The following FAM3C variants were observed in gnomAD, a reference collection of about 807,000 sequenced individuals.
The protein encoded by FAM3C is protein FAM3C.
A neutral mutation model predicts 32.5 loss-of-function variants in FAM3C; 15 were observed. The observed-to-expected ratio is 0.46, with a 90% CI of 0.31 to 0.71. FAM3C has a LOEUF of 0.71. Ranked by LOEUF, FAM3C falls within the 30% of genes least tolerant of loss-of-function variation. The pLI, the probability that FAM3C is intolerant of heterozygous loss-of-function variation, is 0.05. For missense variants in FAM3C, 175 were observed against 274.4 expected (o/e 0.64, Z 2.56); for synonymous variants, 75 against 86.1 (o/e 0.87, Z 0.72).
intron 1 of FAM3C, among the ~76,000 whole-genome samples, chr7:121,393,118 C>A (rs907795525): frequency 1.3e-5 from 2 of 152,052 alleles, no homozygotes; most frequent in Non-Finnish European, 2.9e-5. Flanking sequence ...GTTTTAGAAA[C>A]GTGACGGTTC....
chr7:121,378,826 ACT>A lies in FAM3C; in HGVS notation c.118+82_118+83del. 6.4e-6 allele frequency: 4 copies of A among 620,612 alleles called. No homozygotes were observed. In the South Asian group the frequency reaches 8.9e-5, roughly 14 times the overall value. 38.4% of individuals were successfully genotyped at this position (620,612 alleles called of 1,614,324 possible). A position where few individuals can be genotyped will look rare whatever the true frequency, so the allele number is the denominator to read the frequency against. Reference sequence around the variant, plus strand: ...TAATAATCACATTTCGTTTTCTAGCACTGAGTGACTCAGTGCTGATAACTGAT... The same window carrying A: ...TAATAATCACATTTCGTTTTCTAGCAGAGTGACTCAGTGCTGATAACTGAT... On this transcript the variant is annotated intron_variant, in intron 3 of 9. Transcript: ENST00000359943.
At chr7:121,352,172 A>G (rs1337681346) in intron 8 of FAM3C, among the ~76,000 whole-genome samples, 1 of 152,204 alleles carries the variant, frequency 6.6e-6, no homozygotes, top group Non-Finnish European at 1.5e-5. Context: ...AAACAGCAGG[A>G]AAGTCAGTGA....
chr7:121,356,846 G>A (rs780712250), intron 8 of FAM3C, among the ~76,000 whole-genome samples: 20 of 152,130 alleles, frequency 1.3e-4, no homozygotes, highest in Non-Finnish European at 2.8e-4. Context: ...TTTAGTGAGG[G>A]TCGGGGTGGA....
rs879321710 is a variant in FAM3C, at chr7:121,361,686, G to GT, written c.382+1210dup. On this transcript the variant is annotated intron_variant, in intron 7 of 9. Transcript: ENST00000359943. ...AACAAAATAATACACGGCATCTTTT[G>GT]TTTTTTTGAGACGGAGTCTGGCTCT... is the stretch of plus-strand genomic sequence containing the variant. Among the ~76,000 whole-genome samples the GT allele has an allele frequency of 3.4e-4, 51 of 152,186 alleles. No individual in the cohort carries two copies. The Middle Eastern group carries it at 0.01, about 30-fold the overall frequency.
chr7:121,365,556 T>TA (rs1794007721), intron 5 of FAM3C, among the ~76,000 whole-genome samples: 2 of 152,142 alleles, frequency 1.3e-5, no homozygotes, highest in East Asian at 3.9e-4. Context: ...AAAAACACTA[T>TA]AAATAAATCA....
chr7:121,359,391 G>A (rs1254532239), intron 8 of FAM3C, among the ~76,000 whole-genome samples: 1 of 151,888 alleles, frequency 6.6e-6, no homozygotes, highest in Admixed American at 6.6e-5. Flanking sequence ...TTAATAATAA[G>A]GGGAAATATT....
chr7:121,377,803 T>C (rs1414010973), intron 3 of FAM3C, among the ~76,000 whole-genome samples: 1 of 152,242 alleles, frequency 6.6e-6, no homozygotes, highest in African/African-American at 2.4e-5. Flanking sequence ...TAACATGCTA[T>C]ACAGGTTTGT....
chr7:121,378,714 A>AGAAC (rs1794290337), intron 3 of FAM3C, among the ~76,000 whole-genome samples, 196 bp downstream of exon 3: 1 of 41,668 alleles, frequency 2.4e-5, no homozygotes, highest in African/African-American at 1.6e-4. Context: ...AATGTTGAAT[A>AGAAC]GAAGATTCAT....
At chr7:121,367,185 C>T (rs1293370684) in intron 5 of FAM3C, among the ~76,000 whole-genome samples, 1 of 152,072 alleles carries the variant, frequency 6.6e-6, no homozygotes, top group African/African-American at 2.4e-5. Flanking sequence ...ATAAGGTACC[C>T]CTTCCCACAT....
At chr7:121,363,302 C>A (rs1793963944) in intron 6 of FAM3C, among the ~76,000 whole-genome samples, 1 of 151,944 alleles carries the variant, frequency 6.6e-6, no homozygotes, top group Admixed American at 6.6e-5. Context: ...AAAAGTAAAC[C>A]TTTTACAAAA....
chr7:121,392,656 GAT>G (rs1794600881), intron 1 of FAM3C, among the ~76,000 whole-genome samples: 1 of 152,158 alleles, frequency 6.6e-6, no homozygotes, highest in South Asian at 2.1e-4. Context: ...AGTAATGAAT[GAT>G]ATGTTAGGTA....
At chr7:121,368,683 C>T (rs537479155) in intron 5 of FAM3C, among the ~76,000 whole-genome samples, 5 of 152,096 alleles carry the variant, frequency 3.3e-5, no homozygotes, top group Non-Finnish European at 4.4e-5. Flanking sequence ...CCTTTACCTG[C>T]GTGGCCTACA....
intron 3 of FAM3C, among the ~76,000 whole-genome samples, chr7:121,374,272 AC>A (rs1346360428): frequency 6.6e-6 from 1 of 152,234 alleles, no homozygotes. Flanking sequence ...TTTGTAAAAA[AC>A]AATACAATTA....
intron 5 of FAM3C, among the ~76,000 whole-genome samples, chr7:121,365,194 A>G (rs868259197): frequency 6.6e-6 from 1 of 152,154 alleles, no homozygotes; most frequent in African/African-American, 2.4e-5. Context: ...TTGATTTTTC[A>G]AACAATTCAC....
intron 3 of FAM3C, among the ~76,000 whole-genome samples, chr7:121,372,742 TC>T (rs1408618322): frequency 6.6e-6 from 1 of 152,224 alleles, no homozygotes; most frequent in African/African-American, 2.4e-5. Context: ...AGCACTAACA[TC>T]TGATCCCAGC....
intron 1 of FAM3C, among the ~76,000 whole-genome samples, chr7:121,383,223 CT>C (rs1164277311): frequency 2.0e-5 from 3 of 151,810 alleles, no homozygotes; most frequent in African/African-American, 7.3e-5. Context: ...GTGTCTTCAG[CT>C]AACTGAATGA....
rs146880813 is a variant in FAM3C at position 121,357,255 on chromosome 7, G to A, written c.467+2788C>T. 2.6e-5 allele frequency among the ~76,000 whole-genome samples: 4 copies of A among 152,256 alleles called. No individual in the cohort carries two copies. In the East Asian group the frequency reaches 5.8e-4, roughly 22 times the overall value. Reference sequence around the variant, plus strand: ...AGAGTGAGTGAGTCAGCTGGGTCCTGCTTTCTCTGGTTAACATGCCACCCA... The same window carrying A: ...AGAGTGAGTGAGTCAGCTGGGTCCTACTTTCTCTGGTTAACATGCCACCCA... On this transcript the variant is annotated intron_variant, in intron 8 of 9. Coordinates refer to ENST00000359943, the MANE Select transcript of FAM3C (RefSeq NM_014888.3).
chr7:121,359,967 A>T, intron 8 of FAM3C, 76 bp downstream of exon 8: 2 of 756,148 alleles, frequency 2.6e-6, no homozygotes, highest in South Asian at 1.6e-5. Context: ...TATGTTACAG[A>T]TTTTTTTTTA....
chr7:121,368,256 T>C (rs1346116674), intron 5 of FAM3C, among the ~76,000 whole-genome samples: 1 of 152,184 alleles, frequency 6.6e-6, no homozygotes, highest in East Asian at 1.9e-4. Context: ...ACAGCATCTC[T>C]GGCCTCTACA....
Sources: gnomAD v4.1 joint callset for allele counts (sites outside exome capture counted in the v4.1 genomes callset) on GRCh38, gnomAD v4.1.1 for gene constraint, MANE v1.5 for transcripts, NCBI Gene and HGNC (gene_info 2026-07-23, HGNC 2026-07-21) for gene names.